Variants in ADCYAP1R1 observed in about 807,000 individuals in gnomAD.
ADCYAP1R1 encodes ADCYAP receptor type I, also known as pituitary adenylate cyclase-activating polypeptide type I receptor.
ADCYAP1R1 carries 44 observed loss-of-function variants against 67.6 expected under a neutral mutation model. That is an observed-to-expected ratio of 0.65 (90% CI 0.51 to 0.84). ADCYAP1R1 has a LOEUF of 0.84. ADCYAP1R1 is among the 40% of genes least tolerant of loss of function. The pLI is 0.00. For synonymous variants in ADCYAP1R1, 222 were observed against 219.6 expected, an observed-to-expected ratio of 1.01 and a Z score of -0.10; for missense variants, 477 against 587.9, an observed-to-expected ratio of 0.81 and a Z score of 1.95.
intron 13 of ADCYAP1R1, chr7:31,100,170 C>T (rs1468301524): frequency 6.4e-7 from 1 of 1,550,618 alleles, no homozygotes; most frequent in East Asian, 2.4e-5. Context: ...GCGGGCTCAG[C>T]AGCACTCTTG....
At chr7:31,103,708 C>T (rs922747675) in intron 14 of ADCYAP1R1, among the ~76,000 whole-genome samples, 1 of 152,186 alleles carries the variant, frequency 6.6e-6, no homozygotes, top group Non-Finnish European at 1.5e-5. Context: ...AGGCCATGTA[C>T]CCCTTGAGTT....
At chr7:31,101,145 C>G (rs543940228) in intron 13 of ADCYAP1R1, among the ~76,000 whole-genome samples, 1 of 152,338 alleles carries the variant, frequency 6.6e-6, no homozygotes, top group South Asian at 2.1e-4. Context: ...GGCTCCCCAG[C>G]AGAAGTCCCT....
intron 1 of ADCYAP1R1, among the ~76,000 whole-genome samples, chr7:31,061,288 C>T (rs1212453935): frequency 1.3e-5 from 2 of 152,230 alleles, no homozygotes; most frequent in African/African-American, 2.4e-5. Flanking sequence ...AGACACTCCT[C>T]CCTCGCAGCC....
intron 1 of ADCYAP1R1, among the ~76,000 whole-genome samples, chr7:31,060,112 G>A (rs749660092): frequency 4.6e-5 from 7 of 152,068 alleles, no homozygotes; most frequent in Non-Finnish European, 1.0e-4. Context: ...GAGGGCTGGG[G>A]GTGGGTCGGG....
chr7:31,057,013 C>T (rs1228727614), intron 1 of ADCYAP1R1: 1 of 152,264 alleles, frequency 6.6e-6, no homozygotes, highest in East Asian at 1.9e-4. Flanking sequence ...CTCATGCTCA[C>T]TTAGGAGAGG....
chr7:31,054,633 C>G (rs1366834772), intron 1 of ADCYAP1R1, among the ~76,000 whole-genome samples: 1 of 152,204 alleles, frequency 6.6e-6, no homozygotes, highest in African/African-American at 2.4e-5. Flanking sequence ...TGGAGTGTCC[C>G]AGGTTGCCGC....
chr7:31,084,417 C>T (rs1198184226), intron 7 of ADCYAP1R1, among the ~76,000 whole-genome samples, 167 bp downstream of exon 7: 1 of 152,196 alleles, frequency 6.6e-6, no homozygotes, highest in African/African-American at 2.4e-5. Context: ...GGAATTAATG[C>T]CACTGGGTTA....
intron 1 of ADCYAP1R1, among the ~76,000 whole-genome samples, chr7:31,056,349 C>T (rs543731415): frequency 1.4e-4 from 21 of 152,140 alleles, no homozygotes; most frequent in Non-Finnish European, 2.6e-4. Context: ...ATCTTTCTCC[C>T]TCCTGATCGA....
intron 13 of ADCYAP1R1, among the ~76,000 whole-genome samples, chr7:31,100,388 C>A (rs1216671383): frequency 8.3e-6 from 1 of 120,788 alleles, no homozygotes; most frequent in East Asian, 2.8e-4. Flanking sequence ...GCCTCGTGGT[C>A]ATGGGGTGGG....
chr7:31,092,574 C>T lies in ADCYAP1R1; in HGVS notation c.955-70C>T. On this transcript the variant is annotated intron_variant, in intron 12 of 15. Coordinates refer to ENST00000304166, the MANE Select transcript of ADCYAP1R1 (RefSeq NM_001118.5). ...GGATCTTGACTAGGTGGGGGAGGGTCCTGCTGGGGAAATAATAGCATCTTT... is the reference window on the plus strand; with the variant it reads ...GGATCTTGACTAGGTGGGGGAGGGTTCTGCTGGGGAAATAATAGCATCTTT... 5 of 1,219,974 alleles carry T rather than the reference C, an allele frequency of 4.1e-6. No individual in the cohort carries two copies. The East Asian group carries it at 1.2e-4, about 29-fold the overall frequency. The allele number at this position is 1,219,974 out of a possible 1,614,324, so 75.6% of individuals were successfully genotyped here.
At chr7:31,099,913 C>T (rs112595181) in intron 13 of ADCYAP1R1, among the ~76,000 whole-genome samples, 1 of 152,206 alleles carries the variant, frequency 6.6e-6, no homozygotes, top group Non-Finnish European at 1.5e-5. Flanking sequence ...TGCGTGTGTG[C>T]GTGTGCAGCC....
chr7:31,104,942 G>A (rs1412276053), intron 15 of ADCYAP1R1, 33 bp downstream of exon 15: 2 of 1,612,324 alleles, frequency 1.2e-6, no homozygotes, highest in African/African-American at 1.3e-5. Context: ...TCTTGGCAGT[G>A]GAAGTGGGGC....
chr7:31,087,426 G>C (rs1258123526), intron 11 of ADCYAP1R1, among the ~76,000 whole-genome samples: 3 of 152,232 alleles, frequency 2.0e-5, no homozygotes, highest in Non-Finnish European at 4.4e-5. Context: ...GAAAGATAGA[G>C]GCTCAGAAGG....
chr7:31,101,062 A>C (rs1349482127), intron 13 of ADCYAP1R1, among the ~76,000 whole-genome samples: 1 of 152,236 alleles, frequency 6.6e-6, no homozygotes, highest in Admixed American at 6.5e-5. Context: ...GCACAGTCCC[A>C]GAACCCTGGG....
intron 1 of ADCYAP1R1, among the ~76,000 whole-genome samples, chr7:31,054,355 G>T (rs1374710388): frequency 1.3e-5 from 2 of 152,126 alleles, no homozygotes; most frequent in Non-Finnish European, 2.9e-5. Flanking sequence ...TCCCTCTCCT[G>T]CACTCTCGGG....
At chr7:31,104,186 A>T (rs1330859714) in intron 14 of ADCYAP1R1, among the ~76,000 whole-genome samples, 3 of 152,060 alleles carry the variant, frequency 2.0e-5, no homozygotes, top group Admixed American at 2.0e-4. Flanking sequence ...CAGGAGTGAG[A>T]GCCCAGGGCT....
chr7:31,105,479 G>T (rs1796602892), intron 15 of ADCYAP1R1, among the ~76,000 whole-genome samples: 1 of 152,212 alleles, frequency 6.6e-6, no homozygotes, highest in Non-Finnish European at 1.5e-5. Context: ...TGTGGTTCGG[G>T]GGCTCCCTCT....
intron 6 of ADCYAP1R1, among the ~76,000 whole-genome samples, chr7:31,083,124 G>T (rs547802535): frequency 1.3e-5 from 2 of 152,350 alleles, no homozygotes; most frequent in African/African-American, 4.8e-5. Flanking sequence ...CAATGTCTTG[G>T]TCTTTGAATG....
At chr7:31,054,167 T>A (rs1794144905) in intron 1 of ADCYAP1R1, among the ~76,000 whole-genome samples, 1 of 152,132 alleles carries the variant, frequency 6.6e-6, no homozygotes, top group South Asian at 2.1e-4. Context: ...CTGGGCCAGC[T>A]CTTCCAACTG....
Sources: allele counts gnomAD v4.1 joint callset (sites outside exome capture counted in the v4.1 genomes callset), GRCh38; gene constraint gnomAD v4.1.1; transcripts MANE v1.5; gene names NCBI Gene and HGNC (gene_info 2026-07-23, HGNC 2026-07-21).